ZNF91: variants seen among roughly 807,000 people sequenced by gnomAD.
ZNF91 encodes zinc finger protein 91, also known as zinc finger protein 91 (HPF7, HTF10).
In ZNF91, 7 loss-of-function variants were observed where a neutral mutation model predicts 12.6. The observed-to-expected ratio is 0.55, with a 90% confidence interval of 0.31 to 1.04. The LOEUF (loss-of-function observed/expected upper bound fraction) is 1.04, where lower values mean the gene tolerates loss of function less well. Among genes scored for constraint, ZNF91 ranks in the 50% least tolerant of loss-of-function variants. The pLI, the probability that ZNF91 is intolerant of heterozygous loss-of-function variation, is 0.05. For synonymous variants in ZNF91, 453 were observed against 462.6 expected (o/e 0.98, Z 0.27); for missense variants, 1,217 against 1,385.4 (o/e 0.88, Z 1.93).
chr19:23,395,159 C>T (rs1196640574), intron 1 of ZNF91, among the ~76,000 whole-genome samples, 166 bp downstream of exon 1: 1 of 152,164 alleles, frequency 6.6e-6, no homozygotes, highest in Non-Finnish European at 1.5e-5. Flanking sequence ...GTCAACGCAG[C>T]CGCCATCTTA....
chr19:23,361,444 T>C lies in ZNF91; in HGVS notation c.1535A>G (p.His512Arg), dbSNP rs568246653. 1.4e-5 allele frequency: 23 copies of C among 1,613,596 alleles called. No homozygotes were observed. The highest frequency in any genetic ancestry group is 2.2e-5 in the East Asian group (1 of 44,820). ...AAATTTGTAGGGTTTCTCTCCAGTA[T>C]GAATTATCTTATGTTTAGTAAGGGT... ...SSTLTKHKIIHTGEKPYKFEE... is the reference protein window; with the variant it reads ...SSTLTKHKIIRTGEKPYKFEE... The change falls in exon 4 of 4, where the codon CAT becomes CGT. Residue 512 changes from histidine to arginine, a missense_variant. By Grantham distance (29) the His-to-Arg change is conservative. Transcript: ENST00000300619.
chr19:23,344,642 G>A (rs1367436899), intron 3 of ZNF91, among the ~76,000 whole-genome samples: 1 of 152,096 alleles, frequency 6.6e-6, no homozygotes, highest in Non-Finnish European at 1.5e-5. Flanking sequence ...AGCTGATGAA[G>A]CATTCAGATG....
chr19:23,305,652 C>T (rs1351375310), intron 3 of ZNF91, among the ~76,000 whole-genome samples: 1 of 152,136 alleles, frequency 6.6e-6, no homozygotes, highest in African/African-American at 2.4e-5. Context: ...ATGATTTTAA[C>T]TGGCCAATAA....
At chr19:23,353,933 G>A (rs376113168), downstream of ZNF91, among the ~76,000 whole-genome samples, 1 of 152,222 alleles carries the variant, frequency 6.6e-6, no homozygotes, top group Non-Finnish European at 1.5e-5. Flanking sequence ...AAAACAAGCA[G>A]TGAGATTAAA....
chr19:23,368,377 G>A (rs1000495720), intron 3 of ZNF91, among the ~76,000 whole-genome samples: 11 of 124,178 alleles, frequency 8.9e-5, no homozygotes, highest in African/African-American at 2.3e-4. Flanking sequence ...TAGCCAGGCG[G>A]GGCGGCACGT....
chr19:23,311,219 C>T (rs1195673153), upstream of ZNF91, among the ~76,000 whole-genome samples: 1 of 152,118 alleles, frequency 6.6e-6, no homozygotes, highest in Non-Finnish European at 1.5e-5. Flanking sequence ...ATGTGACTTT[C>T]TCAACATCTT....
intron 1 of ZNF91, among the ~76,000 whole-genome samples, chr19:23,390,768 G>A (rs886238208): frequency 2.6e-5 from 4 of 152,040 alleles, no homozygotes; most frequent in Non-Finnish European, 5.9e-5. Context: ...TTTATAGATG[G>A]GATTTTCCCA....
chr19:23,354,911 C>T (rs566143822), downstream of ZNF91, among the ~76,000 whole-genome samples: 4 of 152,038 alleles, frequency 2.6e-5, no homozygotes, highest in Non-Finnish European at 4.4e-5. Context: ...ACGAAGGAGT[C>T]GAAAGACCTG....
intron 1 of ZNF91, among the ~76,000 whole-genome samples, chr19:23,382,019 C>A (rs1163614626): frequency 5.2e-5 from 7 of 135,840 alleles, no homozygotes; most frequent in African/African-American, 2.0e-4. Flanking sequence ...AGCAATTAAT[C>A]TCGGGTCCCA....
At chr19:23,336,941 T>C (rs1968021553), downstream of ZNF91, among the ~76,000 whole-genome samples, 1 of 152,210 alleles carries the variant, frequency 6.6e-6, no homozygotes, top group Non-Finnish European at 1.5e-5. Context: ...AACGTATTTG[T>C]ATGTATGAAT....
upstream of ZNF91, among the ~76,000 whole-genome samples, chr19:23,310,918 T>C (rs984811459): frequency 6.6e-6 from 1 of 152,256 alleles, no homozygotes; most frequent in Admixed American, 6.5e-5. Context: ...CTTGGACTAT[T>C]ACCAAGGTGA....
chr19:23,383,691 GA>G (rs74175750), intron 1 of ZNF91, among the ~76,000 whole-genome samples: 28 of 138,542 alleles, frequency 2.0e-4, no homozygotes, highest in East Asian at 6.3e-4. Flanking sequence ...ACCTCAAAAA[GA>G]AAAAAAAAAA....
downstream of ZNF91, among the ~76,000 whole-genome samples, chr19:23,352,844 T>C (rs1218988021): frequency 6.6e-6 from 1 of 151,964 alleles, no homozygotes; most frequent in Admixed American, 6.6e-5. Context: ...AAAGCAACAG[T>C]GATTAAAAGA....
At chr19:23,379,697 C>CAA (rs1969625907) in intron 1 of ZNF91, among the ~76,000 whole-genome samples, 1 of 152,264 alleles carries the variant, frequency 6.6e-6, no homozygotes, top group Non-Finnish European at 1.5e-5. Flanking sequence ...AAGCCAGGTG[C>CAA]CTGCTTAAGG....
upstream of ZNF91, among the ~76,000 whole-genome samples, chr19:23,314,280 T>C (rs550237674): frequency 3.9e-5 from 6 of 152,300 alleles, no homozygotes; most frequent in East Asian, 1.2e-3. Context: ...TCTTACTTGG[T>C]ATTTGCCAAC....
intron 1 of ZNF91, chr19:23,310,528 G>A (rs991659383): frequency 1.3e-5 from 2 of 152,190 alleles, no homozygotes; most frequent in Non-Finnish European, 2.9e-5. Context: ...GCAACATACA[G>A]GAAGCATTGA....
intron 3 of ZNF91, among the ~76,000 whole-genome samples, chr19:23,348,641 G>T (rs541889072): frequency 6.6e-6 from 1 of 152,180 alleles, no homozygotes; most frequent in South Asian, 2.1e-4. Context: ...GTAAAACGTA[G>T]GTGTTTGAGC....
intron 1 of ZNF91, among the ~76,000 whole-genome samples, chr19:23,379,517 G>A (rs536246198): frequency 1.3e-5 from 2 of 152,222 alleles, no homozygotes; most frequent in Admixed American, 6.5e-5. Context: ...AAATAAAGAC[G>A]GTTACCGTAA....
intron 2 of ZNF91, 26 bp from the exon 3 acceptor site, chr19:23,373,863 G>A: frequency 6.4e-7 from 1 of 1,563,034 alleles, no homozygotes; most frequent in South Asian, 1.2e-5. Flanking sequence ...TAACTAACAT[G>A]AGTCTTGCTC....
Sources: allele counts gnomAD v4.1 joint callset (sites outside exome capture counted in the v4.1 genomes callset), GRCh38; gene constraint gnomAD v4.1.1; transcripts MANE v1.5; gene names NCBI Gene and HGNC (gene_info 2026-07-23, HGNC 2026-07-21).